The following PMM2 variants were observed in gnomAD, a reference collection of about 807,000 sequenced individuals.
PMM2 encodes mannose-6-phosphate isomerase.
PMM2 carries 35 observed loss-of-function variants against 33.2 expected under a neutral mutation model. The observed-to-expected ratio is 1.06, with a 90% CI of 0.81 to 1.40. PMM2 has a LOEUF of 1.40. PMM2 is among the 40% of genes most tolerant of loss of function. PMM2 has a pLI of 0.00. For missense variants in PMM2, 386 were observed against 306.0 expected, an observed-to-expected ratio of 1.26 and a Z score of -1.95; for synonymous variants, 153 against 114.7, an observed-to-expected ratio of 1.33 and a Z score of -2.13.
chr16:8,833,197 GAAGTT>G (rs950419258), intron 7 of PMM2, among the ~76,000 whole-genome samples: 2 of 152,212 alleles, frequency 1.3e-5, no homozygotes, highest in Non-Finnish European at 2.9e-5. Context: ...GATAGGCGGT[GAAGTT>G]AAGAGCAATG....
chr16:8,825,756 A>ATTTTTTT (rs35928064), intron 7 of PMM2, among the ~76,000 whole-genome samples: 1 of 134,208 alleles, frequency 7.5e-6, no homozygotes, highest in African/African-American at 2.8e-5. Context: ...ATAAAACACT[A>ATTTTTTT]TTTTTTTTTT....
In PMM2 at chr16:8,799,024, G is replaced by A. The variant is rs369801865; in HGVS notation, c.66+1076G>A. On this transcript the variant is annotated intron_variant, in intron 1 of 7. Coordinates refer to ENST00000268261, the MANE Select transcript of PMM2 (RefSeq NM_000303.3). Reference sequence around the variant, plus strand: ...ATTCAGTGATCACACACTTGGGTTTGTTAAAAGCCCATAGTGGTCTAAAAC... The same window carrying A: ...ATTCAGTGATCACACACTTGGGTTTATTAAAAGCCCATAGTGGTCTAAAAC... Among the ~76,000 whole-genome samples, 51 of 152,262 alleles carry A rather than the reference G, an allele frequency of 3.3e-4. No individual in the cohort carries two copies. In the South Asian group the frequency reaches 0.011, roughly 32 times the overall value.
chr16:8,845,346 T>C lies in PMM2; in HGVS notation c.640-2378T>C, dbSNP rs529216951. ...AATCACAATGGTGGAATGTCATCAG[T>C]TAAGGCTATTTTTACTTCTTTTGTG... On this transcript the variant is annotated intron_variant, in intron 7 of 7. Coordinates refer to ENST00000268261, the MANE Select transcript of PMM2 (RefSeq NM_000303.3). Among the ~76,000 whole-genome samples the C allele has an allele frequency of 7.2e-5, 11 of 152,288 alleles. No individual in the cohort carries two copies. In the South Asian group the frequency reaches 8.3e-4, roughly 11 times the overall value.
chr16:8,829,129 C>G (rs1215781354), intron 7 of PMM2: 1 of 152,248 alleles, frequency 6.6e-6, no homozygotes, highest in Admixed American at 6.5e-5. Context: ...GTATTCACAG[C>G]ACAGAGTGCA....
At chr16:8,814,433 CAG>C (rs1384722481) in intron 7 of PMM2, among the ~76,000 whole-genome samples, 1 of 152,210 alleles carries the variant, frequency 6.6e-6, no homozygotes, top group Non-Finnish European at 1.5e-5. Flanking sequence ...GCTGCATATT[CAG>C]AGTTTCTCAT....
intron 7 of PMM2, among the ~76,000 whole-genome samples, chr16:8,822,356 G>T (rs958363170): frequency 6.6e-6 from 1 of 152,194 alleles, no homozygotes; most frequent in African/African-American, 2.4e-5. Context: ...TTATTTTCAG[G>T]AGCAATTTGG....
At position 8,808,074 on chromosome 16, in the gene PMM2, C is replaced by T. The variant is rs2060656793; in HGVS notation, c.347+1667C>T. The T allele has an allele frequency of 2.0e-5, 3 of 152,090 alleles. No homozygotes were observed. The South Asian group carries it at 6.2e-4, about 32-fold the overall frequency. The allele number at this position is 152,090 out of a possible 1,614,324, so 9.4% of individuals were successfully genotyped here. A position where few individuals can be genotyped will look rare whatever the true frequency, so the allele number is the denominator to read the frequency against. On this transcript the variant is annotated intron_variant, in intron 4 of 7. Coordinates refer to ENST00000268261, the MANE Select transcript of PMM2 (RefSeq NM_000303.3). ...TTGGAATTAAGTGGCAATTCAATTTCAGGGCTGGGTGTACTTCAGAGGCTG... is the reference window on the plus strand; with the variant it reads ...TTGGAATTAAGTGGCAATTCAATTTTAGGGCTGGGTGTACTTCAGAGGCTG...
chr16:8,834,864 A>G (rs1445014824), intron 7 of PMM2, among the ~76,000 whole-genome samples: 1 of 152,178 alleles, frequency 6.6e-6, no homozygotes, highest in African/African-American at 2.4e-5. Context: ...TCAGAGAGAT[A>G]CAGTCATGGG....
intron 7 of PMM2, among the ~76,000 whole-genome samples, chr16:8,838,990 A>G (rs931979045): frequency 1.3e-5 from 2 of 151,910 alleles, no homozygotes; most frequent in Non-Finnish European, 2.9e-5. Context: ...GGCCTGGAGG[A>G]CTGATAAAGT....
chr16:8,842,574 T>A (rs1404624857), intron 7 of PMM2, among the ~76,000 whole-genome samples: 1 of 152,070 alleles, frequency 6.6e-6, no homozygotes, highest in Non-Finnish European at 1.5e-5. Context: ...GAAGCATCTT[T>A]AAGATCAAGT....
chr16:8,825,956 A>C (rs1375598438), intron 7 of PMM2, among the ~76,000 whole-genome samples: 1 of 151,928 alleles, frequency 6.6e-6, no homozygotes, highest in Admixed American at 6.6e-5. Flanking sequence ...GGATTTCACC[A>C]TATGGGCCAG....
chr16:8,848,087 T>G lies in PMM2; in HGVS notation c.*262T>G. 2 of 458,076 alleles carry G rather than the reference T, an allele frequency of 4.4e-6. No homozygotes were observed. The allele number at this position is 458,076 out of a possible 1,614,324, so 28.4% of individuals were successfully genotyped here. A position where few individuals can be genotyped will look rare whatever the true frequency, so the allele number is the denominator to read the frequency against. ...ACCCACCCCCAGCCCCCTAGTCTAA[T>G]ACCCACCCTGATACGTGCAATCATG... On this transcript the variant is annotated 3_prime_UTR_variant, in exon 8 of 8. Transcript: ENST00000268261.
intron 7 of PMM2, among the ~76,000 whole-genome samples, chr16:8,844,209 A>G (rs931132021): frequency 1.3e-5 from 2 of 152,138 alleles, no homozygotes; most frequent in African/African-American, 2.4e-5. Flanking sequence ...TAGGTCAGGT[A>G]TGAGTTGAAG....
At chr16:8,841,162 T>G (rs1329664927) in intron 7 of PMM2, among the ~76,000 whole-genome samples, 1 of 151,360 alleles carries the variant, frequency 6.6e-6, no homozygotes, top group African/African-American at 2.4e-5. Context: ...CTACCTTTCC[T>G]GAAGATTGAG....
intron 7 of PMM2, among the ~76,000 whole-genome samples, chr16:8,818,777 C>T (rs1462341677): frequency 6.6e-6 from 1 of 152,196 alleles, no homozygotes; most frequent in Non-Finnish European, 1.5e-5. Context: ...TGTCATTCTT[C>T]CCATCAGCCA....
At chr16:8,816,851 C>T (rs1185048264) in intron 7 of PMM2, among the ~76,000 whole-genome samples, 1 of 152,146 alleles carries the variant, frequency 6.6e-6, no homozygotes, top group East Asian at 1.9e-4. Flanking sequence ...ATAGTGGTTC[C>T]TCAAATTAAA....
intron 7 of PMM2, chr16:8,832,782 G>C (rs911368955): frequency 3.0e-6 from 3 of 985,204 alleles, no homozygotes; most frequent in Admixed American, 1.2e-4. Flanking sequence ...CAATCTGTGA[G>C]GCCCGCTGTG....
chr16:8,835,456 A>G (rs1457596051), intron 7 of PMM2, among the ~76,000 whole-genome samples: 9 of 152,128 alleles, frequency 5.9e-5, no homozygotes, highest in Middle Eastern at 3.4e-3. Context: ...CATCTAACTG[A>G]AAGCAAAGAG....
At chr16:8,837,676 A>T (rs970467326) in intron 7 of PMM2, among the ~76,000 whole-genome samples, 6 of 151,976 alleles carry the variant, frequency 3.9e-5, no homozygotes, top group African/African-American at 1.4e-4. Context: ...CCTCCCCTAG[A>T]AAAGCAGAGA....
Sources: allele counts gnomAD v4.1 joint callset (sites outside exome capture counted in the v4.1 genomes callset), GRCh38; gene constraint gnomAD v4.1.1; transcripts MANE v1.5; gene names NCBI Gene and HGNC (gene_info 2026-07-23, HGNC 2026-07-21).